Variants in KIF26B observed in about 807,000 individuals in gnomAD.
The protein encoded by KIF26B is kinesin family member 26B.
KIF26B carries 63 observed loss-of-function variants against 151.2 expected under a neutral mutation model. That is an observed-to-expected ratio of 0.42 (90% CI 0.34 to 0.51). KIF26B has a LOEUF of 0.51. Ranked by LOEUF, KIF26B falls within the 20% of genes least tolerant of loss-of-function variation. The pLI is 0.07. For synonymous variants in KIF26B, 1,357 were observed against 1,262.1 expected (o/e 1.08, Z -1.59); for missense variants, 2,813 against 2,913.6 (o/e 0.97, Z 0.79).
At chr1:245,333,906 G>A (rs1199257654) in intron 2 of KIF26B, among the ~76,000 whole-genome samples, 2 of 152,228 alleles carry the variant, frequency 1.3e-5, no homozygotes, top group East Asian at 1.9e-4. Context: ...GCTGAGGCAC[G>A]AGAATTGCTT....
At chr1:245,461,015 A>C (rs988810184) in intron 4 of KIF26B, among the ~76,000 whole-genome samples, 4 of 152,214 alleles carry the variant, frequency 2.6e-5, no homozygotes, top group African/African-American at 9.6e-5. Context: ...AGGGCTGCAG[A>C]GGACCCAGCA....
At chr1:245,156,822 A>T in intron 2 of KIF26B, 139 bp downstream of exon 2, 1 of 474,408 alleles carries the variant, frequency 2.1e-6, no homozygotes, top group East Asian at 3.9e-5. Flanking sequence ...GATGCTCCAC[A>T]CCTCACGGGG....
At chr1:245,303,067 G>A (rs1056228159) in intron 2 of KIF26B, among the ~76,000 whole-genome samples, 3 of 150,440 alleles carry the variant, frequency 2.0e-5, no homozygotes, top group Non-Finnish European at 4.4e-5. Flanking sequence ...AGAATACACC[G>A]GGAAATCTGG....
chr1:245,400,239 G>T (rs1376246201), intron 3 of KIF26B, among the ~76,000 whole-genome samples: 1 of 152,190 alleles, frequency 6.6e-6, no homozygotes, highest in Non-Finnish European at 1.5e-5. Flanking sequence ...GGTCAGACTG[G>T]TAACATTTTC....
At chr1:245,390,934 A>C (rs1488115997) in intron 3 of KIF26B, among the ~76,000 whole-genome samples, 10 of 130,722 alleles carry the variant, frequency 7.6e-5, no homozygotes, top group South Asian at 6.9e-4. Flanking sequence ...AAAAAAAAAA[A>C]AAAAAAAAAA....
At chr1:245,487,428 T>C (rs751482617) in intron 4 of KIF26B, among the ~76,000 whole-genome samples, 4 of 152,122 alleles carry the variant, frequency 2.6e-5, no homozygotes, top group Non-Finnish European at 5.9e-5. Flanking sequence ...TGCTGGCCAG[T>C]ACTCTAGCCT....
intron 5 of KIF26B, among the ~76,000 whole-genome samples, chr1:245,594,439 T>C (rs1207502300): frequency 6.6e-6 from 1 of 152,172 alleles, no homozygotes; most frequent in African/African-American, 2.4e-5. Flanking sequence ...CTTTCCCCAT[T>C]GCTTGTTTTG....
At position 245,698,115 on chromosome 1, in the gene KIF26B, G is replaced by A. The variant is rs1338815466; in HGVS notation, c.5834G>A (p.Arg1945Lys). 1 of 1,613,666 alleles carries A rather than the reference G, an allele frequency of 6.2e-7. No individual in the cohort carries two copies. Among genetic ancestry groups the A allele is most frequent in the African/African-American group, 1.3e-5 (1 of 74,926 alleles). ...PKKRSNPGSQRRRLIPALSLD... is the reference protein window; with the variant it reads ...PKKRSNPGSQKRRLIPALSLD... Reference sequence around the variant, plus strand: ...TTATCCCCCTCCTCAGGTTCTCAGAGACGGAGGCTTATCCCAGCACTATCC... The same window carrying A: ...TTATCCCCCTCCTCAGGTTCTCAGAAACGGAGGCTTATCCCAGCACTATCC... The change falls in exon 13 of 15, where the codon AGA (arginine) becomes AAA (lysine). Residue 1945 changes from arginine (R) to lysine (K), a missense_variant. Physicochemically the swap from Arg to Lys is conservative, Grantham distance 26 (BLOSUM62 2). Transcript: ENST00000407071. This position sits in a 1 kb window ranked among gnomAD's most constrained non-coding sequence, Gnocchi z 4.0.
intron 2 of KIF26B, among the ~76,000 whole-genome samples, chr1:245,163,156 T>C (rs180784409): frequency 6.6e-6 from 1 of 152,334 alleles, no homozygotes; most frequent in Admixed American, 6.5e-5. Flanking sequence ...TATTACAGGA[T>C]CTTCTAGAAT....
chr1:245,344,851 T>TA (rs111909117), intron 2 of KIF26B, among the ~76,000 whole-genome samples: 9,681 of 152,110 alleles, frequency 0.064, 552 homozygotes, highest in African/African-American at 0.14. Context: ...AGCTCACAGT[T>TA]ACATTTTTCG....
chr1:245,446,020 A>C (rs369742136), intron 4 of KIF26B, among the ~76,000 whole-genome samples: 4 of 152,246 alleles, frequency 2.6e-5, no homozygotes, highest in African/African-American at 4.8e-5. Context: ...ACTTAATAAC[A>C]TACACGTTCT....
chr1:245,368,641 C>T (rs776135379), intron 3 of KIF26B, among the ~76,000 whole-genome samples: 24 of 151,838 alleles, frequency 1.6e-4, no homozygotes, highest in Non-Finnish European at 2.6e-4. Flanking sequence ...GGTGGCCTTC[C>T]GCTGTGATGT....
intron 2 of KIF26B, among the ~76,000 whole-genome samples, chr1:245,361,813 A>G (rs554641716): frequency 6.6e-6 from 1 of 152,178 alleles, no homozygotes; most frequent in South Asian, 2.1e-4. Flanking sequence ...CCGTCTTTCC[A>G]GAATGCGCTG....
At position 245,431,636 on chromosome 1, in the gene KIF26B, G is replaced by A. The variant is rs148933185; in HGVS notation, c.1166+11891G>A. Among the ~76,000 whole-genome samples the A allele has an allele frequency of 5.1e-3, 772 of 151,846 alleles. 4 individuals are homozygous for A. Among genetic ancestry groups the A allele is most frequent in the Middle Eastern group, 0.037 (11 of 294 alleles). On this transcript the variant is annotated intron_variant, in intron 4 of 14. Transcript: ENST00000407071. ...TGGGATTACAGGCGTGAACCACTGCGCCCAGCCAATTTTTATATTTTTAGT... is the reference window on the plus strand; with the variant it reads ...TGGGATTACAGGCGTGAACCACTGCACCCAGCCAATTTTTATATTTTTAGT...
At chr1:245,184,499 G>A (rs1224924646) in intron 2 of KIF26B, among the ~76,000 whole-genome samples, 2 of 152,120 alleles carry the variant, frequency 1.3e-5, no homozygotes, top group African/African-American at 2.4e-5. Context: ...CTCTGGGGAA[G>A]CAGGTTCACT....
intron 4 of KIF26B, among the ~76,000 whole-genome samples, chr1:245,539,663 T>C (rs1022013315): frequency 1.3e-5 from 2 of 152,178 alleles, no homozygotes; most frequent in African/African-American, 4.8e-5. Flanking sequence ...TTGTTTTGTT[T>C]TTCTTTTGAG....
In KIF26B at chr1:245,703,315, C is replaced by A. The variant is rs753679815; in HGVS notation, c.*709C>A. 2.6e-5 allele frequency: 4 copies of A among 152,508 alleles called. No individual in the cohort carries two copies. The highest frequency in any genetic ancestry group is 4.4e-5 in the Non-Finnish European group (3 of 68,046). 9.4% of individuals were successfully genotyped at this position (152,508 alleles called of 1,614,324 possible). A position where few individuals can be genotyped will look rare whatever the true frequency, so the allele number is the denominator to read the frequency against. On this transcript the variant is annotated 3_prime_UTR_variant, in exon 15 of 15. Coordinates refer to ENST00000407071, the MANE Select transcript of KIF26B (RefSeq NM_018012.4). ...TCGGCACGAGCCAGTGTGTGTGTTT[C>A]CAAAGTAGGTTTGGAGCAGCAGGTG...
chr1:245,448,681 C>A (rs1687097), intron 4 of KIF26B, among the ~76,000 whole-genome samples: 2 of 152,172 alleles, frequency 1.3e-5, no homozygotes, highest in Non-Finnish European at 2.9e-5. Context: ...ATGGTGTGTT[C>A]TGGAAACACT....
rs548051036 is a variant in KIF26B at position 245,178,420 on chromosome 1, C to A, written c.465+21737C>A. Among the ~76,000 whole-genome samples, 6 of 152,182 alleles carry A rather than the reference C, an allele frequency of 3.9e-5. No individual in the cohort carries two copies. The South Asian group carries it at 1.2e-3, about 32-fold the overall frequency. The stretch of plus-strand genomic sequence containing the variant: ...ATTCTTGAGCTGTCTCTTCAGTCGT[C>A]AGTCTCTTGGTAGTCTTTATTCTAA... On this transcript the variant is annotated intron_variant, in intron 2 of 14. Transcript: ENST00000407071.
Sources: gnomAD v4.1 joint callset for allele counts (sites outside exome capture counted in the v4.1 genomes callset) on GRCh38, gnomAD v4.1.1 for gene constraint, Gnocchi (gnomAD v3.1) non-coding constraint, MANE v1.5 for transcripts, NCBI Gene and HGNC (gene_info 2026-07-23, HGNC 2026-07-21) for gene names.